The following ATP5MC3 variants were observed in gnomAD, a reference collection of about 807,000 sequenced individuals.
ATP5MC3 encodes ATP synthase membrane subunit c locus 3.
A neutral mutation model predicts 15.6 loss-of-function variants in ATP5MC3; 6 were observed. The observed-to-expected ratio is 0.38, with a 90% CI of 0.21 to 0.76. The LOEUF (loss-of-function observed/expected upper bound fraction) is 0.76, where lower values mean the gene tolerates loss of function less well. Among genes scored for constraint, ATP5MC3 ranks in the 30% least tolerant of loss-of-function variants. The pLI, the probability that ATP5MC3 is intolerant of heterozygous loss-of-function variation, is 0.44. For missense variants in ATP5MC3, 132 were observed against 171.2 expected (o/e 0.77, Z 1.28); for synonymous variants, 66 against 63.3 (o/e 1.04, Z -0.20).
In ATP5MC3 at chr2:175,176,481, T is replaced by G. The variant is rs1162575212; in HGVS notation, c.*1807A>C. 1 of 152,154 alleles carries G rather than the reference T, an allele frequency of 6.6e-6. No individual in the cohort carries two copies. The highest frequency in any genetic ancestry group is 1.5e-5 in the Non-Finnish European group (1 of 68,020). The allele number at this position is 152,154 out of a possible 1,614,324, so 9.4% of individuals were successfully genotyped here. A position where few individuals can be genotyped will look rare whatever the true frequency, so the allele number is the denominator to read the frequency against. On this transcript the variant is annotated 3_prime_UTR_variant, in exon 5 of 5. Transcript: ENST00000284727. ...AACCATCACCACTAATTCATCAAAT[T>G]TTAATAATCTTTTAATTTTTGAGCC...
chr2:175,181,238 A>G, intron 2 of ATP5MC3, 117 bp downstream of exon 2: 2 of 1,268,522 alleles, frequency 1.6e-6, no homozygotes, highest in Non-Finnish European at 2.2e-6. Flanking sequence ...GGTAAGGAGA[A>G]AGCCGTTCCC....
At position 175,177,576 on chromosome 2, in the gene ATP5MC3, T is replaced by C. The variant is rs974134970; in HGVS notation, c.*712A>G. On this transcript the variant is annotated 3_prime_UTR_variant, in exon 5 of 5. Coordinates refer to ENST00000284727, the MANE Select transcript of ATP5MC3 (RefSeq NM_001689.5). ...ACTGCCTTACAGCAATTTTTGGCTG[T>C]AAAAATCTAGCCAATTCAGTTTTTT... is the stretch of plus-strand genomic sequence containing the variant. The C allele has an allele frequency of 6.6e-6, 1 of 152,200 alleles. No homozygotes were observed. The highest frequency in any genetic ancestry group is 6.5e-5 in the Admixed American group (1 of 15,278). The allele number at this position is 152,200 out of a possible 1,614,324, so 9.4% of individuals were successfully genotyped here.
At chr2:175,180,372 G>T (rs888071529) in intron 2 of ATP5MC3, among the ~76,000 whole-genome samples, 194 bp from the exon 3 acceptor site, 2 of 152,178 alleles carry the variant, frequency 1.3e-5, no homozygotes, top group African/African-American at 4.8e-5. Context: ...TAATGAAATT[G>T]TAACGCTTGC....
In ATP5MC3 at chr2:175,176,798, A is replaced by T. The variant is rs185300696; in HGVS notation, c.*1490T>A. 2 of 152,290 alleles carry T rather than the reference A, an allele frequency of 1.3e-5. No individual in the cohort carries two copies. Among genetic ancestry groups the T allele is most frequent in the African/African-American group, 4.8e-5 (2 of 41,554 alleles). 9.4% of individuals were successfully genotyped at this position (152,290 alleles called of 1,614,324 possible). A position where few individuals can be genotyped will look rare whatever the true frequency, so the allele number is the denominator to read the frequency against. On this transcript the variant is annotated 3_prime_UTR_variant, in exon 5 of 5. Transcript: ENST00000284727. Reference sequence around the variant, plus strand: ...TCTTAGGGTTCACTCACATCTATTCATTATGTATCAGTGCCTCATTCCTTT... The same window carrying T: ...TCTTAGGGTTCACTCACATCTATTCTTTATGTATCAGTGCCTCATTCCTTT...
Position 175,180,146 on chromosome 2 carries a change from T to C in ATP5MC3, c.72A>G (p.Pro24=). The C allele has an allele frequency of 6.3e-7, 1 of 1,599,856 alleles. No homozygotes were observed. The highest frequency in any genetic ancestry group is 8.5e-7 in the Non-Finnish European group (1 of 1,177,000). ...IRAGSRVAYR[P]ISASVLSRPE... Reference sequence around the variant, plus strand: ...GTCGAGATAACACTGATGCAGAAATTGGTCTGTATGCAACTCTGGATCCAG... The same window carrying C: ...GTCGAGATAACACTGATGCAGAAATCGGTCTGTATGCAACTCTGGATCCAG... The change falls in exon 3 of 5, where the codon CCA becomes CCG. Residue 24 remains proline, a synonymous_variant. Transcript: ENST00000284727.
Position 175,178,019 on chromosome 2 carries a change from A to G in ATP5MC3, c.*269T>C, listed in dbSNP as rs1700713243. 1 of 308,656 alleles carries G rather than the reference A, an allele frequency of 3.2e-6. No individual in the cohort carries two copies. The highest frequency in any genetic ancestry group is 7.4e-5 in the South Asian group (1 of 13,432). 19.1% of individuals were successfully genotyped at this position (308,656 alleles called of 1,614,324 possible). A position where few individuals can be genotyped will look rare whatever the true frequency, so the allele number is the denominator to read the frequency against. On this transcript the variant is annotated 3_prime_UTR_variant, in exon 5 of 5. Coordinates refer to ENST00000284727, the MANE Select transcript of ATP5MC3 (RefSeq NM_001689.5). ...ATAAAAGAATTCCCATAAAAATTAC[A>G]TTGGAATATTTTTCATCAGTGGAGC...
intron 2 of ATP5MC3, among the ~76,000 whole-genome samples, chr2:175,180,693 T>C (rs1396420225): frequency 6.6e-6 from 1 of 152,220 alleles, no homozygotes; most frequent in Non-Finnish European, 1.5e-5. Flanking sequence ...GTGAAATATC[T>C]GACCATAAGG....
In ATP5MC3 at chr2:175,176,698, C is replaced by G. The variant is rs1249091238; in HGVS notation, c.*1590G>C. The G allele has an allele frequency of 6.6e-6, 1 of 152,146 alleles. No individual in the cohort carries two copies. Among genetic ancestry groups the G allele is most frequent in the East Asian group, 1.9e-4 (1 of 5,196 alleles). The allele number at this position is 152,146 out of a possible 1,614,324, so 9.4% of individuals were successfully genotyped here. A position where few individuals can be genotyped will look rare whatever the true frequency, so the allele number is the denominator to read the frequency against. ...CCTGATAACTACTAATTGGCTTTGT[C>G]ACCGTGGATTTGCCTATTTTGGATA... On this transcript the variant is annotated 3_prime_UTR_variant, in exon 5 of 5. Coordinates refer to ENST00000284727, the MANE Select transcript of ATP5MC3 (RefSeq NM_001689.5).
At chr2:175,179,892 C>A in intron 3 of ATP5MC3, 1 of 506,466 alleles carries the variant, frequency 2.0e-6, no homozygotes. Flanking sequence ...AAATACTTGG[C>A]CAAGTTTTGG....
At chr2:175,180,011 T>C in intron 3 of ATP5MC3, 87 bp downstream of exon 3, 1 of 1,160,006 alleles carries the variant, frequency 8.6e-7, no homozygotes, top group East Asian at 2.7e-5. Context: ...CTCAAACTCT[T>C]ATTAATAAAG....
At chr2:175,178,861 A>G in intron 4 of ATP5MC3, 196 bp downstream of exon 4, 1 of 1,109,536 alleles carries the variant, frequency 9.0e-7, no homozygotes, top group Non-Finnish European at 1.2e-6. Flanking sequence ...CTGTGTCTCT[A>G]GTCCTTCATA....
intron 2 of ATP5MC3, among the ~76,000 whole-genome samples, chr2:175,180,864 G>A (rs1700758178): frequency 6.6e-6 from 1 of 152,190 alleles, no homozygotes; most frequent in African/African-American, 2.4e-5. Flanking sequence ...CCAGAGGCAG[G>A]AAGAAAGACT....
rs1172790406 is a variant in ATP5MC3, at chr2:175,177,241, T to G, written c.*1047A>C. ...CAAGCACTGATTCTGATGGAGGTGG[T>G]CTTCCGACACTTGAGGAACTTTGGT... On this transcript the variant is annotated 3_prime_UTR_variant, in exon 5 of 5. Transcript: ENST00000284727. The G allele has an allele frequency of 1.3e-5, 2 of 152,172 alleles. No individual in the cohort carries two copies. The highest frequency in any genetic ancestry group is 4.8e-5 in the African/African-American group (2 of 41,450). The allele number at this position is 152,172 out of a possible 1,614,324, so 9.4% of individuals were successfully genotyped here. A position where few individuals can be genotyped will look rare whatever the true frequency, so the allele number is the denominator to read the frequency against.
Position 175,178,115 on chromosome 2 carries a change from C to A in ATP5MC3, c.*173G>T. ...ACGTTCTTCTTTGTGATAATCTAAA[C>A]TTAGTGTAAGTACAAATCACAGAAG... On this transcript the variant is annotated 3_prime_UTR_variant, in exon 5 of 5. Transcript: ENST00000284727. 2 of 1,278,356 alleles carry A rather than the reference C, an allele frequency of 1.6e-6. No homozygotes were observed. The highest frequency in any genetic ancestry group is 1.9e-5 in the South Asian group (1 of 54,000). The allele number at this position is 1,278,356 out of a possible 1,614,324, so 79.2% of individuals were successfully genotyped here.
chr2:175,180,284 T>C (rs1700751200), intron 2 of ATP5MC3, 106 bp from the exon 3 acceptor site: 4 of 798,614 alleles, frequency 5.0e-6, no homozygotes, highest in Admixed American at 3.7e-5. Flanking sequence ...GCAGTAAAAA[T>C]GAATCAGAAA....
At position 175,177,103 on chromosome 2, in the gene ATP5MC3, C is replaced by T. The variant is rs1378965536; in HGVS notation, c.*1185G>A. 3 of 152,144 alleles carry T rather than the reference C, an allele frequency of 2.0e-5. No individual in the cohort carries two copies. Among genetic ancestry groups the T allele is most frequent in the Non-Finnish European group, 2.9e-5 (2 of 68,014 alleles). 9.4% of individuals were successfully genotyped at this position (152,144 alleles called of 1,614,324 possible). ...TATATATAACTTAGTGACTCTCAAA[C>T]AGTATGCACAAAAACCACCTGGGAA... On this transcript the variant is annotated 3_prime_UTR_variant, in exon 5 of 5. Coordinates refer to ENST00000284727, the MANE Select transcript of ATP5MC3 (RefSeq NM_001689.5).
intron 1 of ATP5MC3, 27 bp from the exon 2 acceptor site, chr2:175,181,493 A>G: frequency 6.8e-7 from 1 of 1,467,060 alleles, no homozygotes; most frequent in Admixed American, 1.9e-5. Context: ...GCTTAAGGTC[A>G]AGTGCCCTCC....
At position 175,178,169 on chromosome 2, in the gene ATP5MC3, G is replaced by T; in HGVS notation, c.*119C>A. ...TTAAAGTTTTCATCTTTAATGAAAT[G>T]ACTTTGGAAATAACGTACATTCCCA... On this transcript the variant is annotated 3_prime_UTR_variant, in exon 5 of 5. Transcript: ENST00000284727. 1 of 1,453,234 alleles carries T rather than the reference G, an allele frequency of 6.9e-7. No homozygotes were observed. Among genetic ancestry groups the T allele is most frequent in the East Asian group, 2.5e-5 (1 of 40,458 alleles). 90.0% of individuals were successfully genotyped at this position (1,453,234 alleles called of 1,614,324 possible). A position where few individuals can be genotyped will look rare whatever the true frequency, so the allele number is the denominator to read the frequency against.
intron 3 of ATP5MC3, 138 bp from the exon 4 acceptor site, chr2:175,179,388 T>A (rs1700736387): frequency 8.8e-7 from 1 of 1,136,168 alleles, no homozygotes; most frequent in Non-Finnish European, 1.2e-6. Flanking sequence ...GAGCTTAGAA[T>A]AATCTCACTC....
Sources: gnomAD v4.1 joint callset for allele counts (sites outside exome capture counted in the v4.1 genomes callset) on GRCh38, gnomAD v4.1.1 for gene constraint, MANE v1.5 for transcripts, NCBI Gene and HGNC (gene_info 2026-07-23, HGNC 2026-07-21) for gene names.